Variants in RUFY3 observed in about 807,000 individuals in gnomAD.
RUFY3 encodes RUN and FYVE domain containing 3.
RUFY3 carries 34 observed loss-of-function variants against 84.0 expected under a neutral mutation model. The observed-to-expected ratio is 0.40, with a 90% CI of 0.31 to 0.54. The LOEUF (loss-of-function observed/expected upper bound fraction) is 0.54. Ranked by LOEUF, RUFY3 falls within the 20% of genes least tolerant of loss-of-function variation. The pLI is 0.39. For missense variants in RUFY3, 507 were observed against 736.8 expected, an observed-to-expected ratio of 0.69 and a Z score of 3.61; for synonymous variants, 242 against 252.9, an observed-to-expected ratio of 0.96 and a Z score of 0.41.
rs1732955015 is a variant in RUFY3, at chr4:70,807,441, G to T, written c.*782G>T. 6.6e-6 allele frequency: 1 copy of T among 152,174 alleles called. No homozygotes were observed. Among genetic ancestry groups the T allele is most frequent in the South Asian group, 2.1e-4 (1 of 4,832 alleles). 9.4% of individuals were successfully genotyped at this position (152,174 alleles called of 1,614,324 possible). ...TCCTTTCCAAGTCATAATGGAAATT[G>T]TAAGGAGTTTTAAAAATAGGGTTTG... On this transcript the variant is annotated 3_prime_UTR_variant, in exon 18 of 18. Coordinates refer to ENST00000381006, the MANE Select transcript of RUFY3 (RefSeq NM_001037442.4).
At chr4:70,718,864 T>C (rs2148577611), upstream of RUFY3, among the ~76,000 whole-genome samples, 1 of 151,842 alleles carries the variant, frequency 6.6e-6, no homozygotes, top group South Asian at 2.1e-4. Flanking sequence ...TACAGGCATG[T>C]GCCACCACGC....
rs933221824 is a variant in RUFY3, at chr4:70,808,271, GTACT to G, written c.*1620_*1623del. 7.2e-5 allele frequency among the ~76,000 whole-genome samples: 11 copies of G among 151,964 alleles called. No homozygotes were observed. Among genetic ancestry groups the G allele is most frequent in the African/African-American group, 2.4e-4 (10 of 41,302 alleles). The stretch of plus-strand genomic sequence containing the variant: ...AACCCATGGATATGGAGGGCTGACT[GTACT>G]TACTTACATATCTATCTATCTTTGA... On this transcript the variant is annotated 3_prime_UTR_variant, in exon 18 of 18. Transcript: ENST00000381006.
intron 1 of RUFY3, among the ~76,000 whole-genome samples, chr4:70,744,654 A>ATTT (rs112584509): frequency 1.6e-5 from 2 of 128,216 alleles, no homozygotes; most frequent in African/African-American, 2.9e-5. Context: ...CTTATTTTGA[A>ATTT]TTTTTTTTTT....
chr4:70,714,935 C>CT (rs1430953786), intron 1 of RUFY3, among the ~76,000 whole-genome samples: 2 of 152,166 alleles, frequency 1.3e-5, no homozygotes, highest in Non-Finnish European at 2.9e-5. Context: ...TATTTTTAAT[C>CT]TTATGCTGGT....
At position 70,801,163 on chromosome 4, in the gene RUFY3, C is replaced by CA. The variant is rs561597683; in HGVS notation, c.1622+976dup. Among the ~76,000 whole-genome samples the CA allele has an allele frequency of 8.5e-3, 549 of 64,252 alleles. 2 individuals are homozygous for CA. Among genetic ancestry groups the CA allele is most frequent in the East Asian group, 0.017 (51 of 2,934 alleles). 42.2% of individuals were successfully genotyped at this position (64,252 alleles called of 152,430 possible). On this transcript the variant is annotated intron_variant, in intron 15 of 17. Coordinates refer to ENST00000381006, the MANE Select transcript of RUFY3 (RefSeq NM_001037442.4). ...TCTGGAAAAGACAAAACTATGGAGA[C>CA]AAAAAAAAAAAAAAAAAATCAGTGG...
chr4:70,785,888 TC>T (rs1729710371), intron 10 of RUFY3, among the ~76,000 whole-genome samples: 1 of 151,972 alleles, frequency 6.6e-6, no homozygotes, highest in Non-Finnish European at 1.5e-5. Context: ...GATCCAGCAA[TC>T]CCACTACTGG....
Position 70,764,509 on chromosome 4 carries a change from T to C in RUFY3, c.505T>C (p.Leu169=). Residue 169 remains leucine (L), a synonymous_variant, in exon 4 of 18, where the codon TTG becomes CTG. Transcript: ENST00000381006. The part of the protein sequence containing the change: ...PVGRGRAWLR[L]ALMQKKLSEY... ...AGGTAGAGGAAGAGCCTGGCTTCGT[T>C]TGGCATTAATGCAAAAGAAACTTTC... The C allele has an allele frequency of 6.2e-7, 1 of 1,613,930 alleles. No individual in the cohort carries two copies. The highest frequency in any genetic ancestry group is 1.3e-5 in the African/African-American group (1 of 75,040).
rs556810538 is a variant in RUFY3, at chr4:70,733,923, G to GA, written c.178+11177dup. On this transcript the variant is annotated intron_variant, in intron 1 of 17. Coordinates refer to ENST00000381006, the MANE Select transcript of RUFY3 (RefSeq NM_001037442.4). The stretch of plus-strand genomic sequence containing the variant: ...GAAAACAAATGTTCCTTTTTCAAAG[G>GA]AAAAATCTTTATGAAAATTAACGGG... Among the ~76,000 whole-genome samples the GA allele has an allele frequency of 3.3e-3, 499 of 152,128 alleles. 4 individuals carry two copies. Among genetic ancestry groups the GA allele is most frequent in the African/African-American group, 0.011 (474 of 41,508 alleles).
rs183266885 is a variant in RUFY3 at position 70,781,969 on chromosome 4, T to C, written c.895-1122T>C. 7.9e-5 allele frequency among the ~76,000 whole-genome samples: 12 copies of C among 152,336 alleles called. No individual in the cohort carries two copies. In the East Asian group the frequency reaches 1.3e-3, roughly 17 times the overall value. ...AGATATAAATGTTTCCCTGTAGCAG[T>C]TGACTGCTAATAACGTTACCTGATC... On this transcript the variant is annotated intron_variant, in intron 8 of 17. Transcript: ENST00000381006.
In RUFY3 at chr4:70,788,802, G is replaced by A. The variant is rs1404466872; in HGVS notation, c.1072-4G>A. The stretch of plus-strand genomic sequence containing the variant: ...GTAAGCAATTTACTTACCTTTGGGG[G>A]CAGGATGTTGAGAAAGAACTGGAGA... On this transcript the variant is annotated splice_polypyrimidine_tract_variant and splice_region_variant and intron_variant, in intron 10 of 17. Transcript: ENST00000381006. 1 of 1,613,746 alleles carries A rather than the reference G, an allele frequency of 6.2e-7. No individual in the cohort carries two copies. Among genetic ancestry groups the A allele is most frequent in the Non-Finnish European group, 8.5e-7 (1 of 1,179,812 alleles).
chr4:70,712,919 G>C (rs867893176), intron 1 of RUFY3, among the ~76,000 whole-genome samples: 2 of 152,338 alleles, frequency 1.3e-5, no homozygotes, highest in South Asian at 4.1e-4. Flanking sequence ...CCTACTTTGT[G>C]AAGTGGCTCA....
At chr4:70,749,033 C>T (rs540930732) in intron 1 of RUFY3, among the ~76,000 whole-genome samples, 2 of 152,260 alleles carry the variant, frequency 1.3e-5, no homozygotes, top group South Asian at 2.1e-4. Context: ...GATCTAACTG[C>T]GATTGCCCTC....
intron 14 of RUFY3, among the ~76,000 whole-genome samples, chr4:70,795,573 A>C (rs994238055): frequency 1.3e-5 from 2 of 152,202 alleles, no homozygotes; most frequent in Non-Finnish European, 2.9e-5. Flanking sequence ...CAGTGAAAAA[A>C]TTGCCTTCTG....
intron 1 of RUFY3, chr4:70,741,680 G>C (rs1340047619): frequency 1.6e-5 from 24 of 1,497,658 alleles, no homozygotes; most frequent in Non-Finnish European, 8.9e-7. Flanking sequence ...TGATACAGAA[G>C]GTGCGTGCCA....
chr4:70,795,430 C>A (rs1325248176), intron 14 of RUFY3, among the ~76,000 whole-genome samples: 1 of 152,078 alleles, frequency 6.6e-6, no homozygotes, highest in East Asian at 1.9e-4. Flanking sequence ...GTAGAAATTT[C>A]TACATAATAA....
chr4:70,789,567 G>T lies in RUFY3; in HGVS notation c.1312G>T (p.Ala438Ser), dbSNP rs758792014. Residue 438 changes from alanine to serine, a missense_variant, in exon 12 of 18, where the codon GCT becomes TCT. Physicochemically the swap from Ala to Ser is moderately conservative, Grantham distance 99 (BLOSUM62 1). This residue lies in a region of RUFY3 where 334 missense variants were observed against 364.1 expected (regional missense o/e 0.92). Transcript: ENST00000381006. ...GGAAGAGAAGACTAATCAGATGGCT[G>T]CTACCATTAAACAACTTGAACAAAG... ...RLEEKTNQMA[A>S]TIKQLEQRLR... 1 of 1,612,728 alleles carries T rather than the reference G, an allele frequency of 6.2e-7. No homozygotes were observed. Among genetic ancestry groups the T allele is most frequent in the East Asian group, 2.2e-5 (1 of 44,732 alleles).
At chr4:70,792,711 A>G (rs1419680435) in intron 12 of RUFY3, 2 of 985,292 alleles carry the variant, frequency 2.0e-6, no homozygotes, top group Non-Finnish European at 2.4e-6. Context: ...TGGCAAAACC[A>G]GAATTAAGAG....
intron 8 of RUFY3, among the ~76,000 whole-genome samples, chr4:70,779,846 T>G (rs997245762): frequency 6.6e-6 from 1 of 152,136 alleles, no homozygotes; most frequent in Admixed American, 6.5e-5. Flanking sequence ...AGTGCTAGAA[T>G]AATAGGCATA....
chr4:70,799,107 T>A (rs1252416482), intron 14 of RUFY3, among the ~76,000 whole-genome samples: 1 of 136,906 alleles, frequency 7.3e-6, no homozygotes, highest in African/African-American at 2.8e-5. Context: ...ATCATGCCAC[T>A]GCACTCCAGC....
Sources: allele counts gnomAD v4.1 joint callset (sites outside exome capture counted in the v4.1 genomes callset), GRCh38; gene constraint gnomAD v4.1.1; regional missense constraint gnomAD v4.1.1; transcripts MANE v1.5; gene names NCBI Gene and HGNC (gene_info 2026-07-23, HGNC 2026-07-21).